CLIC6: variants seen among roughly 807,000 people sequenced by gnomAD.
The protein encoded by CLIC6 is chloride intracellular channel protein 6.
CLIC6 carries 39 observed loss-of-function variants against 49.2 expected under a neutral mutation model. The ratio of observed to expected loss-of-function variants is 0.79; its 90% CI spans 0.61 to 1.04. The LOEUF is 1.04. CLIC6 is among the 50% of genes least tolerant of loss of function. The pLI, the probability that CLIC6 is intolerant of heterozygous loss-of-function variation, is 0.00. For missense variants in CLIC6, 988 were observed against 993.1 expected (o/e 0.99, Z 0.07); for synonymous variants, 446 against 433.4 (o/e 1.03, Z -0.36).
intron 1 of CLIC6, among the ~76,000 whole-genome samples, chr21:34,703,561 G>A (rs1464041384): frequency 6.6e-6 from 1 of 152,182 alleles, no homozygotes; most frequent in African/African-American, 2.4e-5. Context: ...CACTGGAGAG[G>A]CCATTTGCCT....
At chr21:34,674,524 C>T (rs1196476503) in intron 1 of CLIC6, among the ~76,000 whole-genome samples, 1 of 152,170 alleles carries the variant, frequency 6.6e-6, no homozygotes, top group Non-Finnish European at 1.5e-5. Flanking sequence ...TATTCTCCAT[C>T]TTTATGAGAA....
chr21:34,711,593 T>C (rs1376092569), intron 5 of CLIC6, among the ~76,000 whole-genome samples: 7 of 151,948 alleles, frequency 4.6e-5, no homozygotes, highest in African/African-American at 1.7e-4. Flanking sequence ...CTTCACACAG[T>C]CTATGGTGCT....
chr21:34,696,113 T>C (rs1990082923), intron 1 of CLIC6, among the ~76,000 whole-genome samples: 1 of 152,102 alleles, frequency 6.6e-6, no homozygotes, highest in African/African-American at 2.4e-5. Flanking sequence ...ATCAAACCCA[T>C]TGTCATCTGG....
chr21:34,704,766 A>C (rs1023621212), intron 1 of CLIC6, among the ~76,000 whole-genome samples: 1 of 152,202 alleles, frequency 6.6e-6, no homozygotes, highest in Non-Finnish European at 1.5e-5. Context: ...CCCCCTAAAG[A>C]AGTAGCTGCC....
chr21:34,689,816 G>A (rs749378623), intron 1 of CLIC6, among the ~76,000 whole-genome samples: 15 of 152,086 alleles, frequency 9.9e-5, no homozygotes, highest in Admixed American at 2.0e-4. Flanking sequence ...AGAAGCTTTC[G>A]GACAACTCCA....
At chr21:34,714,196 A>C (rs575363692) in intron 5 of CLIC6, among the ~76,000 whole-genome samples, 17 of 152,368 alleles carry the variant, frequency 1.1e-4, no homozygotes, top group Admixed American at 2.6e-4. Context: ...GGCCCTAAAC[A>C]GAGAACCCCT....
At chr21:34,690,228 C>T (rs1014482170) in intron 1 of CLIC6, among the ~76,000 whole-genome samples, 2 of 152,144 alleles carry the variant, frequency 1.3e-5, no homozygotes, top group Non-Finnish European at 2.9e-5. Flanking sequence ...GGATATCCAG[C>T]GGTGCAGGAT....
chr21:34,692,513 A>T (rs1236108121), intron 1 of CLIC6, among the ~76,000 whole-genome samples: 2 of 152,188 alleles, frequency 1.3e-5, no homozygotes, highest in African/African-American at 2.4e-5. Flanking sequence ...TTTTAAAAGG[A>T]AGTGTTCTAA....
Position 34,669,689 on chromosome 21 carries a change from G to T in CLIC6, c.301G>T (p.Glu101Ter), listed in dbSNP as rs762612024. 5.1e-6 allele frequency: 7 copies of T among 1,367,262 alleles called. No homozygotes were observed. Among genetic ancestry groups the T allele is most frequent in the Non-Finnish European group, 6.6e-6 (7 of 1,068,166 alleles). The allele number at this position is 1,367,262 out of a possible 1,614,324, so 84.7% of individuals were successfully genotyped here. ...TGCCGAGGTGCCCCAAGGAGGGGAG[G>T]AGACAAGCGGCGCGCAGCAGGTGGA... ...EGAEVPQGGE[E>*]TSGAQQVEGA... Residue 101 changes from glutamate to a stop codon, truncating the protein, a stop_gained, in exon 1 of 6, where the codon GAG becomes TAG. Coordinates refer to ENST00000349499, the MANE Select transcript of CLIC6 (RefSeq NM_053277.3). LOFTEE classifies it high-confidence loss of function.
chr21:34,711,707 G>A (rs1024294000), intron 5 of CLIC6, among the ~76,000 whole-genome samples: 3 of 151,896 alleles, frequency 2.0e-5, no homozygotes, highest in Non-Finnish European at 4.4e-5. Flanking sequence ...CTCGGTCCTG[G>A]CCCTGTTGCT....
chr21:34,701,684 C>A (rs1316517469), intron 1 of CLIC6, among the ~76,000 whole-genome samples: 1 of 152,202 alleles, frequency 6.6e-6, no homozygotes, highest in African/African-American at 2.4e-5. Context: ...ACGCCAGCAC[C>A]CATTCCCGTC....
Position 34,676,625 on chromosome 21 carries a change from C to T in CLIC6, c.1374+5863C>T, listed in dbSNP as rs8184924. ...ATGGTATGAAGGGAAGGGGGATGGA[C>T]GATGAGCAGCAGGCCATAGGAGCAT... On this transcript the variant is annotated intron_variant, in intron 1 of 5. Transcript: ENST00000349499. 2.3e-3 allele frequency among the ~76,000 whole-genome samples: 346 copies of T among 152,234 alleles called. 8 individuals carry two copies. The East Asian group carries it at 0.054, about 24-fold the overall frequency.
intron 1 of CLIC6, among the ~76,000 whole-genome samples, chr21:34,684,957 T>G (rs1989848516): frequency 6.6e-6 from 1 of 152,192 alleles, no homozygotes. Flanking sequence ...AGTTCAAAAC[T>G]GTCCTGGAGA....
chr21:34,708,178 G>C (rs2056030062), intron 3 of CLIC6, 109 bp downstream of exon 3: 1 of 1,298,676 alleles, frequency 7.7e-7, no homozygotes, highest in Non-Finnish European at 1.1e-6. Context: ...TGCAGCCCAC[G>C]GTGCTCACTT....
At chr21:34,707,502 A>C (rs2056023782) in intron 2 of CLIC6, 113 bp downstream of exon 2, 1 of 740,510 alleles carries the variant, frequency 1.4e-6, no homozygotes, top group African/African-American at 1.8e-5. Context: ...GGGCACGTCC[A>C]TCCTCAGTCG....
In CLIC6 at chr21:34,670,470, A is replaced by G. The variant is rs1339704178; in HGVS notation, c.1082A>G (p.Asp361Gly). ...GACGCTGGCGAGGACAGGGTAGGGGATGGGCCACAGCAGGAGCCGGGGGAG... is the reference window on the plus strand; with the variant it reads ...GACGCTGGCGAGGACAGGGTAGGGGGTGGGCCACAGCAGGAGCCGGGGGAG... ...RADAGEDRVGDGPQQEPGEDE... is the reference protein window; with the variant it reads ...RADAGEDRVGGGPQQEPGEDE... Residue 361 changes from aspartate (D) to glycine (G), a missense_variant, in exon 1 of 6, where the codon GAT becomes GGT. Asp to Gly is a moderately conservative substitution (Grantham distance 94). This residue lies in a region of CLIC6 where 647 missense variants were observed against 596.9 expected (regional missense o/e 1.08). Transcript: ENST00000349499. 3 of 1,489,710 alleles carry G rather than the reference A, an allele frequency of 2.0e-6. No individual in the cohort carries two copies. Among genetic ancestry groups the G allele is most frequent in the Middle Eastern group, 4.2e-4 (2 of 4,726 alleles). 92.3% of individuals were successfully genotyped at this position (1,489,710 alleles called of 1,614,324 possible). A position where few individuals can be genotyped will look rare whatever the true frequency, so the allele number is the denominator to read the frequency against.
chr21:34,674,633 G>C (rs992481556), intron 1 of CLIC6, among the ~76,000 whole-genome samples: 1 of 152,120 alleles, frequency 6.6e-6, no homozygotes, highest in Admixed American at 6.5e-5. Context: ...GCCAAGAAAG[G>C]TCTTAAATTA....
intron 1 of CLIC6, among the ~76,000 whole-genome samples, chr21:34,706,427 C>T (rs1466884594): frequency 1.3e-5 from 2 of 152,206 alleles, no homozygotes; most frequent in Non-Finnish European, 2.9e-5. Flanking sequence ...TACAATTCAA[C>T]ATGAGATTGG....
At chr21:34,683,572 G>A (rs1002599018) in intron 1 of CLIC6, among the ~76,000 whole-genome samples, 64 of 152,282 alleles carry the variant, frequency 4.2e-4, no homozygotes, top group Non-Finnish European at 6.9e-4. Flanking sequence ...ATCTCATCTC[G>A]AATTGTAATC....
Sources: allele counts gnomAD v4.1 joint callset (sites outside exome capture counted in the v4.1 genomes callset), GRCh38; gene constraint gnomAD v4.1.1; regional missense constraint gnomAD v4.1.1; transcripts MANE v1.5; gene names NCBI Gene and HGNC (gene_info 2026-07-23, HGNC 2026-07-21).